Variants in WWOX observed in about 807,000 individuals in gnomAD.
WWOX encodes the protein WW domain-containing oxidoreductase.
Under a neutral mutation model 46.2 loss-of-function variants are expected in WWOX, and 69 were observed. The observed-to-expected ratio is 1.49, with a 90% confidence interval of 1.23 to 1.82. The LOEUF is 1.82. Among genes scored for constraint, WWOX ranks in the 40% most tolerant of loss-of-function variants. The pLI, the probability that WWOX is intolerant of heterozygous loss-of-function variation, is 0.00. For synonymous variants in WWOX, 359 were observed against 202.6 expected (o/e 1.77, Z -6.56); for missense variants, 919 against 542.6 (o/e 1.69, Z -6.89).
At chr16:78,856,214 G>C (rs1315245965) in intron 8 of WWOX, among the ~76,000 whole-genome samples, 1 of 152,194 alleles carries the variant, frequency 6.6e-6, no homozygotes, top group Admixed American at 6.5e-5. Context: ...AGAGGAAAAT[G>C]ATAAGGATTT....
chr16:79,017,869 G>C (rs867417887), intron 8 of WWOX, among the ~76,000 whole-genome samples: 41 of 152,290 alleles, frequency 2.7e-4, no homozygotes, highest in Middle Eastern at 6.8e-3. Flanking sequence ...TTGTCCTGTG[G>C]ACTGTAGTTT....
At chr16:78,978,345 G>A (rs988782352) in intron 8 of WWOX, among the ~76,000 whole-genome samples, 1 of 152,066 alleles carries the variant, frequency 6.6e-6, no homozygotes, top group Non-Finnish European at 1.5e-5. Flanking sequence ...ATTATGTTGG[G>A]TATATACCTA....
rs150045617 is a variant in WWOX at position 79,167,698 on chromosome 16, C to T, written c.1057-43910C>T. Reference sequence around the variant, plus strand: ...TCAGGCCACAATGACTTCAAAAACCCTTGTATCCTTGTTTTGTTTCGTTTC... The same window carrying T: ...TCAGGCCACAATGACTTCAAAAACCTTTGTATCCTTGTTTTGTTTCGTTTC... On this transcript the variant is annotated intron_variant, in intron 8 of 8. Coordinates refer to ENST00000566780, the MANE Select transcript of WWOX (RefSeq NM_016373.4). Among the ~76,000 whole-genome samples the T allele has an allele frequency of 2.2e-3, 338 of 152,334 alleles. 1 individual carries two copies. Among genetic ancestry groups the T allele is most frequent in the African/African-American group, 7.7e-3 (321 of 41,578 alleles).
At chr16:78,825,982 GC>G in intron 8 of WWOX, 1 of 757,022 alleles carries the variant, frequency 1.3e-6, no homozygotes, top group Non-Finnish European at 2.1e-6. Context: ...CGCCTGCTAT[GC>G]CCCAGCCAGT....
rs1479057692 is a variant in WWOX, at chr16:78,099,784, A to C, written c.6A>C (p.Ala2=). The change falls in exon 1 of 9, where the codon GCA becomes GCC. Residue 2 remains alanine, a synonymous_variant. Coordinates refer to ENST00000566780, the MANE Select transcript of WWOX (RefSeq NM_016373.4). The part of the protein sequence containing the change: M[A]ALRYAGLDDT... ...AGGTGCCTCCACAGTCAGCCATGGC[A>C]GCGCTGCGCTACGCGGGGCTGGACG... is the stretch of plus-strand genomic sequence containing the variant. 2 of 1,554,128 alleles carry C rather than the reference A, an allele frequency of 1.3e-6. No individual in the cohort carries two copies. The highest frequency in any genetic ancestry group is 1.7e-6 in the Non-Finnish European group (2 of 1,151,422).
chr16:78,577,107 T>C (rs977308861), intron 8 of WWOX, among the ~76,000 whole-genome samples: 3 of 152,196 alleles, frequency 2.0e-5, no homozygotes, highest in Non-Finnish European at 4.4e-5. Flanking sequence ...CATTCTTCTC[T>C]TGGTGTAAAT....
intron 5 of WWOX, among the ~76,000 whole-genome samples, chr16:78,284,260 G>C (rs1001662657): frequency 6.6e-6 from 1 of 152,096 alleles, no homozygotes; most frequent in African/African-American, 2.4e-5. Flanking sequence ...GCAGGATAGT[G>C]GTTTCTTCAA....
At chr16:78,927,958 T>A (rs2045535964) in intron 8 of WWOX, among the ~76,000 whole-genome samples, 2 of 151,964 alleles carry the variant, frequency 1.3e-5, no homozygotes, top group South Asian at 2.1e-4. Context: ...TAAAACTGAA[T>A]AAACAATCTC....
chr16:78,564,228 G>A (rs952037039), intron 8 of WWOX, among the ~76,000 whole-genome samples: 1 of 152,222 alleles, frequency 6.6e-6, no homozygotes, highest in African/African-American at 2.4e-5. Context: ...ATGGTTCATT[G>A]CACAGCAAAA....
intron 5 of WWOX, among the ~76,000 whole-genome samples, chr16:78,217,270 T>G (rs906405354): frequency 2.6e-5 from 4 of 152,226 alleles, no homozygotes; most frequent in African/African-American, 7.2e-5. Flanking sequence ...TTGCAGGATA[T>G]GTGGAGTTAT....
At chr16:78,313,347 A>G (rs1184804669) in intron 5 of WWOX, among the ~76,000 whole-genome samples, 1 of 152,164 alleles carries the variant, frequency 6.6e-6, no homozygotes, top group Non-Finnish European at 1.5e-5. Context: ...GCAAGTGTTC[A>G]GAGATGTGTT....
intron 8 of WWOX, among the ~76,000 whole-genome samples, chr16:78,839,272 C>G (rs199632107): frequency 1.3e-5 from 2 of 152,136 alleles, no homozygotes; most frequent in South Asian, 2.1e-4. Flanking sequence ...CCCTTCCAGT[C>G]TCTCTCTTCT....
intron 6 of WWOX, among the ~76,000 whole-genome samples, chr16:78,423,516 C>T (rs1267822996): frequency 6.6e-6 from 1 of 152,072 alleles, no homozygotes; most frequent in African/African-American, 2.4e-5. Flanking sequence ...TATACAATTA[C>T]TTTCTGAGAA....
intron 8 of WWOX, chr16:79,004,553 G>A (rs1306113193): frequency 6.6e-6 from 1 of 152,258 alleles, no homozygotes. Flanking sequence ...TGTGAGCTCA[G>A]GTCAGCATTG....
chr16:79,055,789 A>G (rs752185930), intron 8 of WWOX, among the ~76,000 whole-genome samples: 2 of 152,200 alleles, frequency 1.3e-5, no homozygotes, highest in South Asian at 2.1e-4. Context: ...TGTAGCAACC[A>G]AACAGTTTCT....
chr16:79,078,304 C>A (rs1416174171), intron 8 of WWOX: 1 of 152,154 alleles, frequency 6.6e-6, no homozygotes, highest in Non-Finnish European at 1.5e-5. Context: ...TTGACAAATT[C>A]CCCTGAGTTT....
At chr16:78,275,696 T>C (rs1178683129) in intron 5 of WWOX, among the ~76,000 whole-genome samples, 1 of 152,160 alleles carries the variant, frequency 6.6e-6, no homozygotes, top group Non-Finnish European at 1.5e-5. Context: ...AGGGAGGAGG[T>C]TGGGCCAGAT....
intron 8 of WWOX, among the ~76,000 whole-genome samples, chr16:78,640,175 C>T (rs1332369877): frequency 6.7e-6 from 1 of 148,676 alleles, no homozygotes; most frequent in South Asian, 2.1e-4. Flanking sequence ...TTGCCAACGT[C>T]CTCTCCTTGG....
intron 8 of WWOX, among the ~76,000 whole-genome samples, chr16:78,763,100 C>G (rs993040690): frequency 6.6e-6 from 1 of 152,184 alleles, no homozygotes; most frequent in Non-Finnish European, 1.5e-5. Flanking sequence ...CTACTCTGTG[C>G]CAAAGCACTA....
Sources: allele counts gnomAD v4.1 joint callset (sites outside exome capture counted in the v4.1 genomes callset), GRCh38; gene constraint gnomAD v4.1.1; transcripts MANE v1.5; gene names NCBI Gene and HGNC (gene_info 2026-07-23, HGNC 2026-07-21).